Variants in RPS6KC1 observed in about 807,000 individuals in gnomAD.
RPS6KC1 encodes inactive ribosomal protein S6 kinase delta-1.
In RPS6KC1, 54 loss-of-function variants were observed where a neutral mutation model predicts 103.8. The observed-to-expected ratio is 0.52, with a 90% confidence interval of 0.42 to 0.65. RPS6KC1 has a LOEUF of 0.65. RPS6KC1 is among the 30% of genes least tolerant of loss of function. RPS6KC1 has a pLI of 0.00. For missense variants in RPS6KC1, 1,151 were observed against 1,253.8 expected (o/e 0.92, Z 1.24); for synonymous variants, 439 against 438.7 (o/e 1.00, Z -0.01).
chr1:213,341,562 G>A, the RPS6KC1 span, among the ~76,000 whole-genome samples: 2 of 152,338 alleles, frequency 1.3e-5, no homozygotes, highest in South Asian at 4.2e-4. Flanking sequence ...CTTGGCTCTA[G>A]CACTGGCAGA....
At chr1:213,179,962 G>A (rs2092159526) in intron 8 of RPS6KC1, among the ~76,000 whole-genome samples, 1 of 152,102 alleles carries the variant, frequency 6.6e-6, no homozygotes, top group African/African-American at 2.4e-5. Context: ...CTGCTACCTG[G>A]TACGATTGTA....
chr1:213,457,641 AATTC>A, the RPS6KC1 span, among the ~76,000 whole-genome samples: 2 of 152,178 alleles, frequency 1.3e-5, no homozygotes, highest in Admixed American at 1.3e-4. Flanking sequence ...AAGCCTGTTT[AATTC>A]CTTTTTGAGT....
Position 213,241,816 on chromosome 1 carries a change from T to C in RPS6KC1, c.2340T>C (p.Ala780=). The change falls in exon 11 of 15, where the codon GCT becomes GCC. Residue 780 remains alanine (A), a synonymous_variant. Transcript: ENST00000366960. ...QEDPRMLFVA[A]VDHSSSGDMS... ...ATCCCAGGATGTTATTTGTAGCAGCTGTTGATCATAGTAGTTCAGGAGATA... is the reference window on the plus strand; with the variant it reads ...ATCCCAGGATGTTATTTGTAGCAGCCGTTGATCATAGTAGTTCAGGAGATA... 6.2e-7 allele frequency: 1 copy of C among 1,613,984 alleles called. No homozygotes were observed. Among genetic ancestry groups the C allele is most frequent in the South Asian group, 1.1e-5 (1 of 91,076 alleles).
the RPS6KC1 span, among the ~76,000 whole-genome samples, chr1:213,668,402 A>T: frequency 1.2e-5 from 1 of 86,286 alleles, no homozygotes; most frequent in East Asian, 3.5e-4. Flanking sequence ...CCCCCGCCGC[A>T]CCACCCCCAC....
chr1:213,629,059 G>A, the RPS6KC1 span, among the ~76,000 whole-genome samples: 3 of 152,226 alleles, frequency 2.0e-5, no homozygotes, highest in Non-Finnish European at 4.4e-5. Flanking sequence ...TGTAGATTCT[G>A]TTGATTTGGG....
At chr1:213,384,031 C>T in the RPS6KC1 span, among the ~76,000 whole-genome samples, 2 of 152,158 alleles carry the variant, frequency 1.3e-5, no homozygotes, top group African/African-American at 2.4e-5. Context: ...AATCCCAGCT[C>T]TTTTGGAGGC....
At chr1:213,517,064 G>A in the RPS6KC1 span, among the ~76,000 whole-genome samples, 21 of 152,010 alleles carry the variant, frequency 1.4e-4, no homozygotes, top group African/African-American at 3.9e-4. Context: ...CTGTGGGATC[G>A]GTGGTGATAT....
At chr1:213,736,884 G>A in the RPS6KC1 span, among the ~76,000 whole-genome samples, 1 of 152,162 alleles carries the variant, frequency 6.6e-6, no homozygotes, top group African/African-American at 2.4e-5. Flanking sequence ...GCCAATATTA[G>A]GGGTGAAAGA....
the RPS6KC1 span, among the ~76,000 whole-genome samples, chr1:213,569,442 G>A: frequency 8.5e-5 from 13 of 152,144 alleles, no homozygotes; most frequent in African/African-American, 2.9e-4. Context: ...TACTTACCCA[G>A]CTTCCTTCTA....
the RPS6KC1 span, among the ~76,000 whole-genome samples, chr1:213,636,217 C>T: frequency 2.0e-5 from 3 of 152,124 alleles, no homozygotes; most frequent in African/African-American, 7.2e-5. Flanking sequence ...AGATTCAGTG[C>T]CATCCCTATC....
chr1:213,300,853 C>T, the RPS6KC1 span, among the ~76,000 whole-genome samples: 1 of 152,144 alleles, frequency 6.6e-6, no homozygotes, highest in African/African-American at 2.4e-5. Context: ...GTGTCTCTAC[C>T]AGAGACTCTC....
chr1:213,591,048 G>C, the RPS6KC1 span, among the ~76,000 whole-genome samples: 1 of 152,164 alleles, frequency 6.6e-6, no homozygotes, highest in Admixed American at 6.5e-5. Context: ...ACTTCTGCTA[G>C]TCTTGCTGGC....
At chr1:213,215,429 A>G (rs111431996) in intron 8 of RPS6KC1, among the ~76,000 whole-genome samples, 187 of 152,358 alleles carry the variant, frequency 1.2e-3, no homozygotes, top group South Asian at 2.9e-3. Context: ...GACGGGGAGA[A>G]TGGAACCAAG....
At chr1:213,486,117 T>C in the RPS6KC1 span, among the ~76,000 whole-genome samples, 1 of 152,170 alleles carries the variant, frequency 6.6e-6, no homozygotes, top group Non-Finnish European at 1.5e-5. Context: ...AACACAGTGG[T>C]TTCAAGTCCT....
At chr1:213,297,970 T>C in the RPS6KC1 span, among the ~76,000 whole-genome samples, 1 of 152,202 alleles carries the variant, frequency 6.6e-6, no homozygotes, top group Non-Finnish European at 1.5e-5. Flanking sequence ...ACTCCCTAGC[T>C]AAGAAACTGC....
At chr1:213,393,950 C>T in the RPS6KC1 span, among the ~76,000 whole-genome samples, 41 of 152,088 alleles carry the variant, frequency 2.7e-4, no homozygotes, top group African/African-American at 9.6e-4. Flanking sequence ...CTGAGAAGGG[C>T]GAGGGCATGT....
At chr1:213,594,817 G>A in the RPS6KC1 span, among the ~76,000 whole-genome samples, 1 of 152,194 alleles carries the variant, frequency 6.6e-6, no homozygotes, top group East Asian at 1.9e-4. Context: ...CAGAGCCAGG[G>A]ACAAGACACT....
the RPS6KC1 span, among the ~76,000 whole-genome samples, chr1:213,501,149 G>A: frequency 6.6e-6 from 1 of 152,180 alleles, no homozygotes; most frequent in African/African-American, 2.4e-5. Context: ...TGAAATAGTA[G>A]TTTAGGATTT....
chr1:213,307,125 C>T, the RPS6KC1 span, among the ~76,000 whole-genome samples: 553 of 146,522 alleles, frequency 3.8e-3, 14 homozygotes, highest in Admixed American at 0.035. Context: ...TGCAGTGGCG[C>T]GATCTTGGCT....
Sources: allele counts gnomAD v4.1 joint callset (sites outside exome capture counted in the v4.1 genomes callset), GRCh38; gene constraint gnomAD v4.1.1; transcripts MANE v1.5; gene names NCBI Gene and HGNC (gene_info 2026-07-23, HGNC 2026-07-21).